Variants in STX8 observed in about 807,000 individuals in gnomAD.
STX8 encodes syntaxin 8.
A neutral mutation model predicts 37.5 loss-of-function variants in STX8; 23 were observed. The observed-to-expected ratio is 0.61, with a 90% CI of 0.44 to 0.87. The LOEUF is 0.87. STX8 is among the 40% of genes least tolerant of loss of function. The pLI, the probability that STX8 is intolerant of heterozygous loss-of-function variation, is 0.00. For missense variants in STX8, 313 were observed against 284.7 expected, an observed-to-expected ratio of 1.10 and a Z score of -0.71; for synonymous variants, 115 against 99.1, an observed-to-expected ratio of 1.16 and a Z score of -0.95.
intron 4 of STX8, among the ~76,000 whole-genome samples, 179 bp downstream of exon 4, chr17:9,544,993 T>TCAAA (rs541144064): frequency 1.2e-4 from 19 of 152,172 alleles, no homozygotes; most frequent in Admixed American, 1.2e-3. Context: ...AGACTCTGTC[T>TCAAA]CAAACAAACA....
Position 9,575,814 on chromosome 17 carries a change from A to C in STX8, c.-6T>G. 6.5e-7 allele frequency: 1 copy of C among 1,540,232 alleles called. No homozygotes were observed. The highest frequency in any genetic ancestry group is 8.7e-7 in the Non-Finnish European group (1 of 1,146,188). On this transcript the variant is annotated 5_prime_UTR_variant, in exon 1 of 8. Coordinates refer to ENST00000306357, the MANE Select transcript of STX8 (RefSeq NM_004853.3). ...CACCAGGGGTCCGGTGCCATCCTGC[A>C]GACTCCGCCCGCCGCTCGGACTCTT...
At chr17:9,426,407 G>A (rs1051456124) in intron 6 of STX8, among the ~76,000 whole-genome samples, 2 of 152,056 alleles carry the variant, frequency 1.3e-5, no homozygotes, top group Non-Finnish European at 2.9e-5. Context: ...GGCACCTGTG[G>A]TCCTAGCTAC....
chr17:9,531,689 C>T (rs1905823934), intron 4 of STX8, among the ~76,000 whole-genome samples: 1 of 152,172 alleles, frequency 6.6e-6, no homozygotes, highest in African/African-American at 2.4e-5. Flanking sequence ...AGAATGTGTC[C>T]TCTGCCCTTA....
chr17:9,342,584 T>C (rs1910398996), intron 7 of STX8, among the ~76,000 whole-genome samples: 1 of 151,894 alleles, frequency 6.6e-6, no homozygotes, highest in African/African-American at 2.4e-5. Flanking sequence ...CAAATACCGG[T>C]GTGGGCTGGC....
At chr17:9,455,294 T>C (rs1328351386) in intron 6 of STX8, among the ~76,000 whole-genome samples, 2 of 151,800 alleles carry the variant, frequency 1.3e-5, no homozygotes, top group African/African-American at 2.4e-5. Context: ...GGTCAGGAGA[T>C]TGAAACCATC....
chr17:9,449,483 C>T (rs892313330), intron 6 of STX8, among the ~76,000 whole-genome samples: 1 of 152,150 alleles, frequency 6.6e-6, no homozygotes, highest in Non-Finnish European at 1.5e-5. Flanking sequence ...TGGCGTGAAC[C>T]CCGGGGGACG....
chr17:9,328,340 G>A (rs1909845413), intron 7 of STX8, among the ~76,000 whole-genome samples: 1 of 152,106 alleles, frequency 6.6e-6, no homozygotes, highest in African/African-American at 2.4e-5. Flanking sequence ...AGAAAAAGAA[G>A]AGCAGGAGAG....
intron 5 of STX8, among the ~76,000 whole-genome samples, chr17:9,500,139 G>A (rs1362621575): frequency 1.3e-5 from 2 of 152,146 alleles, no homozygotes; most frequent in Non-Finnish European, 2.9e-5. Context: ...GAAGATGTAA[G>A]AGAGTCACGG....
At chr17:9,402,887 A>G (rs191455183) in intron 6 of STX8, among the ~76,000 whole-genome samples, 1 of 152,298 alleles carries the variant, frequency 6.6e-6, no homozygotes, top group East Asian at 1.9e-4. Flanking sequence ...ATCAGTGACT[A>G]TGGATACGGA....
chr17:9,329,092 C>G lies in STX8; in HGVS notation c.643+49460G>C, dbSNP rs1280812931. Among the ~76,000 whole-genome samples, 4 of 128,082 alleles carry G rather than the reference C, an allele frequency of 3.1e-5. No individual in the cohort carries two copies. The Admixed American group carries it at 3.4e-4, about 11-fold the overall frequency. The allele number at this position is 128,082 out of a possible 152,430, so 84.0% of individuals were successfully genotyped here. On this transcript the variant is annotated intron_variant, in intron 7 of 7. Transcript: ENST00000306357. ...AAAAAAAAAAAAAAAAAGATGGTGT[C>G]TGAGTCCCTAATGAATTCCCAGAGC...
chr17:9,403,739 C>T (rs747563955), intron 6 of STX8, among the ~76,000 whole-genome samples: 4 of 152,036 alleles, frequency 2.6e-5, no homozygotes, highest in South Asian at 2.1e-4. Context: ...CTCTGCCTCC[C>T]GGGTTCAAGC....
chr17:9,384,793 C>CG (rs1911932234), intron 6 of STX8, among the ~76,000 whole-genome samples: 11 of 96,680 alleles, frequency 1.1e-4, no homozygotes, highest in Middle Eastern at 4.8e-3. Context: ...TCCAGATAGA[C>CG]TTGTGTGTGT....
intron 6 of STX8, among the ~76,000 whole-genome samples, chr17:9,425,895 A>G (rs1030167137): frequency 6.6e-6 from 1 of 152,160 alleles, no homozygotes; most frequent in South Asian, 2.1e-4. Flanking sequence ...TCTACAGATG[A>G]GCCAGTCTCA....
intron 2 of STX8, among the ~76,000 whole-genome samples, chr17:9,560,145 A>G (rs1907167153): frequency 6.6e-6 from 1 of 151,304 alleles, no homozygotes; most frequent in African/African-American, 2.4e-5. Flanking sequence ...CACACCTGTA[A>G]TCACAGCACT....
chr17:9,383,773 C>A (rs1911898150), intron 6 of STX8, among the ~76,000 whole-genome samples: 1 of 152,004 alleles, frequency 6.6e-6, no homozygotes, highest in Non-Finnish European at 1.5e-5. Context: ...TAAATTTGCA[C>A]ATACAGTCAA....
chr17:9,392,881 C>A (rs1912272122), intron 6 of STX8, among the ~76,000 whole-genome samples: 1 of 152,136 alleles, frequency 6.6e-6, no homozygotes, highest in Admixed American at 6.5e-5. Flanking sequence ...GTCAAACATT[C>A]ATGCCACTGG....
intron 7 of STX8, among the ~76,000 whole-genome samples, chr17:9,307,968 G>A (rs555933782): frequency 2.1e-4 from 32 of 152,282 alleles, no homozygotes; most frequent in Admixed American, 3.9e-4. Context: ...CTGGGAGAAA[G>A]GAAAGCTACA....
intron 6 of STX8, among the ~76,000 whole-genome samples, chr17:9,390,495 C>G (rs912961097): frequency 9.4e-5 from 14 of 148,998 alleles, no homozygotes; most frequent in African/African-American, 3.5e-4. Context: ...GCACTACGGC[C>G]TGGACAGCAA....
intron 7 of STX8, among the ~76,000 whole-genome samples, chr17:9,354,322 T>TTC (rs1910805933): frequency 6.9e-6 from 1 of 145,904 alleles, no homozygotes; most frequent in African/African-American, 2.5e-5. Context: ...GTCTCACTTT[T>TTC]TTTTTTTTTT....
Sources: gnomAD v4.1 joint callset for allele counts (sites outside exome capture counted in the v4.1 genomes callset) on GRCh38, gnomAD v4.1.1 for gene constraint, MANE v1.5 for transcripts, NCBI Gene and HGNC (gene_info 2026-07-23, HGNC 2026-07-21) for gene names.